Variants in KCNAB1 observed in about 807,000 individuals in gnomAD.
KCNAB1 encodes the protein voltage-gated potassium channel subunit beta-1.
A neutral mutation model predicts 64.6 loss-of-function variants in KCNAB1; 35 were observed. That is an observed-to-expected ratio of 0.54 (90% confidence interval 0.41 to 0.72). KCNAB1 has a LOEUF of 0.72. Ranked by LOEUF, KCNAB1 falls within the 30% of genes least tolerant of loss-of-function variation. The pLI, the probability that KCNAB1 is intolerant of heterozygous loss-of-function variation, is 0.00. For missense variants in KCNAB1, 401 were observed against 512.9 expected (o/e 0.78, Z 2.11); for synonymous variants, 177 against 183.8 (o/e 0.96, Z 0.30).
chr3:156,174,662 A>G (rs879899905), intron 1 of KCNAB1, among the ~76,000 whole-genome samples: 2 of 152,174 alleles, frequency 1.3e-5, no homozygotes, highest in Admixed American at 6.5e-5. Context: ...TAGTTATCCC[A>G]TACATCAGTG....
chr3:156,235,685 A>G (rs934266590), intron 1 of KCNAB1, among the ~76,000 whole-genome samples: 2 of 152,228 alleles, frequency 1.3e-5, no homozygotes, highest in African/African-American at 4.8e-5. Context: ...TTTTGAAAGA[A>G]AGGTTCCTGT....
intron 1 of KCNAB1, among the ~76,000 whole-genome samples, chr3:156,272,839 C>T (rs150257244): frequency 1.3e-5 from 2 of 152,186 alleles, no homozygotes; most frequent in East Asian, 3.9e-4. Flanking sequence ...GCCAGCATGT[C>T]TCAGAGTCTT....
intron 1 of KCNAB1, among the ~76,000 whole-genome samples, chr3:156,165,061 G>A (rs5019567): frequency 0.6 from 90,363 of 151,360 alleles, 27,720 homozygotes; most frequent in East Asian, 0.93. Flanking sequence ...GGCGGATCAC[G>A]AGGTCAGGAG....
intron 1 of KCNAB1, among the ~76,000 whole-genome samples, chr3:156,324,219 A>G (rs1576725491): frequency 6.6e-6 from 1 of 152,258 alleles, no homozygotes; most frequent in East Asian, 1.9e-4. Context: ...AGCTGAATGG[A>G]TAGACATGTA....
intron 1 of KCNAB1, among the ~76,000 whole-genome samples, chr3:156,154,949 A>G (rs1715630420): frequency 6.6e-6 from 1 of 152,036 alleles, no homozygotes; most frequent in African/African-American, 2.4e-5. Flanking sequence ...CCTAATGTTC[A>G]CCACTTCTTG....
intron 5 of KCNAB1, 97 bp downstream of exon 5, chr3:156,459,968 CA>C (rs1035773359): frequency 7.4e-5 from 57 of 769,368 alleles, no homozygotes; most frequent in South Asian, 1.6e-4. Flanking sequence ...AAAAGGCTGT[CA>C]AAAAAAATCA....
intron 8 of KCNAB1, among the ~76,000 whole-genome samples, chr3:156,482,171 G>A (rs1714868403): frequency 6.6e-6 from 1 of 151,616 alleles, no homozygotes; most frequent in Admixed American, 6.6e-5. Flanking sequence ...TGCCCTTTAA[G>A]CTGATTTAAT....
rs77353871 is a variant in KCNAB1 at position 156,485,782 on chromosome 3, T to G, written c.658+10962T>G. ...TTTTGGAGTCCCCATTGTCTAGTAT[T>G]TCCATCTTCATGTCCTTGTGTAGCC... On this transcript the variant is annotated intron_variant, in intron 8 of 13. Coordinates refer to ENST00000490337, the MANE Select transcript of KCNAB1 (RefSeq NM_172160.3). Among the ~76,000 whole-genome samples, 1,148 of 152,144 alleles carry G rather than the reference T, an allele frequency of 7.5e-3. 10 individuals carry two copies. The highest frequency in any genetic ancestry group is 0.025 in the African/African-American group (1,035 of 41,520).
chr3:156,305,915 G>A (rs1327563815), intron 1 of KCNAB1, among the ~76,000 whole-genome samples: 2 of 152,170 alleles, frequency 1.3e-5, no homozygotes, highest in Admixed American at 6.5e-5. Context: ...GACTGCTTGA[G>A]TCTTTGTTTT....
intron 8 of KCNAB1, among the ~76,000 whole-genome samples, chr3:156,477,906 G>A (rs955228923): frequency 1.2e-4 from 18 of 152,090 alleles, no homozygotes; most frequent in Admixed American, 6.6e-5. Flanking sequence ...AGTCACCTTT[G>A]CAACAATTTT....
At chr3:156,147,942 C>CACACAG (rs1715138515) in intron 1 of KCNAB1, among the ~76,000 whole-genome samples, 1 of 134,466 alleles carries the variant, frequency 7.4e-6, no homozygotes, top group Admixed American at 6.9e-5. Flanking sequence ...CATGCCAAGA[C>CACACAG]ACACACACAC....
intron 1 of KCNAB1, among the ~76,000 whole-genome samples, chr3:156,236,311 C>T (rs902933593): frequency 6.6e-6 from 1 of 152,176 alleles, no homozygotes; most frequent in Non-Finnish European, 1.5e-5. Flanking sequence ...AAACTGAGGG[C>T]TTGCCAGCTT....
At chr3:156,398,089 A>G (rs150913514) in intron 1 of KCNAB1, among the ~76,000 whole-genome samples, 1,746 of 152,312 alleles carry the variant, frequency 0.011, 29 homozygotes, top group African/African-American at 0.04. Flanking sequence ...TTGCAGGGAC[A>G]TGGGTGAGGC....
At chr3:156,139,985 T>C (rs1436162656) in intron 1 of KCNAB1, among the ~76,000 whole-genome samples, 6 of 152,242 alleles carry the variant, frequency 3.9e-5, no homozygotes, top group African/African-American at 1.4e-4. Context: ...AAATAACTGA[T>C]TCACTTTGTA....
chr3:156,477,386 C>T (rs977911522), intron 8 of KCNAB1, among the ~76,000 whole-genome samples: 1 of 152,078 alleles, frequency 6.6e-6, no homozygotes, highest in East Asian at 1.9e-4. Context: ...AATGGAGATT[C>T]GCCACTTGTT....
At chr3:156,136,286 A>T (rs1714341728) in intron 1 of KCNAB1, among the ~76,000 whole-genome samples, 1 of 152,244 alleles carries the variant, frequency 6.6e-6, no homozygotes, top group Non-Finnish European at 1.5e-5. Context: ...TATAATTTTC[A>T]CAACACCCTA....
At chr3:156,280,824 G>A (rs1217604309) in intron 1 of KCNAB1, among the ~76,000 whole-genome samples, 3 of 150,682 alleles carry the variant, frequency 2.0e-5, no homozygotes, top group Non-Finnish European at 3.0e-5. Context: ...TGTATCCTGA[G>A]ACTTTGCTGA....
At position 156,415,287 on chromosome 3, in the gene KCNAB1, G is replaced by A. The variant is rs530952575; in HGVS notation, c.276-6329G>A. Reference sequence around the variant, plus strand: ...AAGCAACTAACACTAATTGAACACTGAAATATGCTAGGACTGGTACTGCAT... The same window carrying A: ...AAGCAACTAACACTAATTGAACACTAAAATATGCTAGGACTGGTACTGCAT... On this transcript the variant is annotated intron_variant, in intron 1 of 13. Transcript: ENST00000490337. 9.2e-5 allele frequency among the ~76,000 whole-genome samples: 14 copies of A among 152,288 alleles called. 1 individual carries two copies. Among genetic ancestry groups the A allele is most frequent in the Middle Eastern group, 3.4e-3 (1 of 294 alleles).
At chr3:156,424,193 A>G (rs1173636840) in intron 2 of KCNAB1, among the ~76,000 whole-genome samples, 3 of 152,172 alleles carry the variant, frequency 2.0e-5, no homozygotes, top group African/African-American at 7.2e-5. Context: ...GGCAGTGAGA[A>G]GTGAGCTAAA....
Sources: allele counts gnomAD v4.1 joint callset (sites outside exome capture counted in the v4.1 genomes callset), GRCh38; gene constraint gnomAD v4.1.1; transcripts MANE v1.5; gene names NCBI Gene and HGNC (gene_info 2026-07-23, HGNC 2026-07-21).